PCDHGB1: variants seen among roughly 807,000 people sequenced by gnomAD.
PCDHGB1 encodes the protein protocadherin gamma-B1.
A neutral mutation model predicts 56.6 loss-of-function variants in PCDHGB1; 34 were observed. The ratio of observed to expected loss-of-function variants is 0.60; its 90% CI spans 0.46 to 0.80. The LOEUF is 0.80. Ranked by LOEUF, PCDHGB1 falls within the 30% of genes least tolerant of loss-of-function variation. PCDHGB1 has a pLI of 0.00. For missense variants in PCDHGB1, 1,278 were observed against 1,204.6 expected, an observed-to-expected ratio of 1.06 and a Z score of -0.90; for synonymous variants, 561 against 505.9, an observed-to-expected ratio of 1.11 and a Z score of -1.46.
rs773232677 is a variant in PCDHGB1, at chr5:141,490,388, G to A, written c.2410-4419G>A. 2 of 1,614,206 alleles carry A rather than the reference G, an allele frequency of 1.2e-6. No homozygotes were observed. The highest frequency in any genetic ancestry group is 2.2e-5 in the East Asian group (1 of 44,878). The stretch of plus-strand genomic sequence containing the variant: ...CGAGACCGGGACTCAGGTAGAAATG[G>A]TGAAGTGAGCCTTGATATCTCTCCG... On this transcript the variant is annotated intron_variant, in intron 1 of 3. Transcript: ENST00000523390. The surrounding 1 kb of genome is among the most constrained non-coding windows in gnomAD (Gnocchi z 5.4).
At chr5:141,427,327 C>T (rs2097016376) in intron 1 of PCDHGB1, 1 of 457,028 alleles carries the variant, frequency 2.2e-6, no homozygotes, top group African/African-American at 2.0e-5. Flanking sequence ...GTGGTTTTTA[C>T]TTCAGTGTCC....
chr5:141,501,412 T>C (rs1479005426), intron 2 of PCDHGB1, among the ~76,000 whole-genome samples: 7 of 151,550 alleles, frequency 4.6e-5, no homozygotes, highest in African/African-American at 1.7e-4. Context: ...GCTTGGAAAA[T>C]AGTTGACTAA....
In PCDHGB1 at chr5:141,395,765, C is replaced by T. The variant is rs143173330; in HGVS notation, c.2409+43096C>T. The T allele has an allele frequency of 7.5e-4, 114 of 152,628 alleles. No homozygotes were observed. The Middle Eastern group carries it at 0.03, about 41-fold the overall frequency. 9.5% of individuals were successfully genotyped at this position (152,628 alleles called of 1,614,324 possible). Reference sequence around the variant, plus strand: ...TCTTTTCTGAGCCCTGTTTCTGTACCAGTGCCCTTCAAAACTTTAATACTT... The same window carrying T: ...TCTTTTCTGAGCCCTGTTTCTGTACTAGTGCCCTTCAAAACTTTAATACTT... On this transcript the variant is annotated intron_variant, in intron 1 of 3. Coordinates refer to ENST00000523390, the MANE Select transcript of PCDHGB1 (RefSeq NM_018922.3).
At chr5:141,370,234 A>G (rs1034949073) in intron 1 of PCDHGB1, 24 of 600,046 alleles carry the variant, frequency 4.0e-5, no homozygotes, top group African/African-American at 3.2e-4. Flanking sequence ...CCAGCTCGGA[A>G]GAAAAGTGCA....
chr5:141,361,192 T>A, intron 1 of PCDHGB1: 1 of 1,613,978 alleles, frequency 6.2e-7, no homozygotes, highest in Non-Finnish European at 8.5e-7. Flanking sequence ...GACTTCAGTA[T>A]CTACTCCCCT....
intron 1 of PCDHGB1, chr5:141,395,745 T>C (rs2093305954): frequency 6.5e-6 from 1 of 153,196 alleles, no homozygotes; most frequent in African/African-American, 2.4e-5. Context: ...AAACCTCTTT[T>C]CTGAGCCCTG....
chr5:141,507,196 CCAGAT>C (rs2099859095), intron 3 of PCDHGB1: 1 of 152,374 alleles, frequency 6.6e-6, no homozygotes, highest in Non-Finnish European at 1.5e-5. Context: ...CTTTATTCTT[CCAGAT>C]CAGGGTTGCC....
chr5:141,505,794 G>A (rs1423502957), intron 3 of PCDHGB1, among the ~76,000 whole-genome samples: 1 of 152,142 alleles, frequency 6.6e-6, no homozygotes, highest in East Asian at 1.9e-4. Context: ...CTATCCTTGG[G>A]ACTTGGATCG....
intron 1 of PCDHGB1, chr5:141,357,593 T>G: frequency 6.2e-7 from 1 of 1,614,134 alleles, no homozygotes; most frequent in Non-Finnish European, 8.5e-7. Context: ...CAGGATTTAC[T>G]TGAAACAAAA....
chr5:141,414,725 T>C (rs1303775655), intron 1 of PCDHGB1: 8 of 1,613,970 alleles, frequency 5.0e-6, no homozygotes, highest in African/African-American at 1.3e-5. Flanking sequence ...GACACTGGCG[T>C]CCTGTATGCA....
intron 1 of PCDHGB1, among the ~76,000 whole-genome samples, chr5:141,448,784 C>CAA (rs576464275): frequency 4.8e-5 from 7 of 145,806 alleles, no homozygotes; most frequent in East Asian, 2.0e-4. Context: ...ACTAAAAATA[C>CAA]AAAAAAAAAA....
rs1477077191 is a variant in PCDHGB1, at chr5:141,427,802, C to T, written c.2410-67005C>T. 7.3e-6 allele frequency: 11 copies of T among 1,510,148 alleles called. No individual in the cohort carries two copies. In the South Asian group the frequency reaches 9.0e-5, roughly 12 times the overall value. The allele number at this position is 1,510,148 out of a possible 1,614,324, so 93.5% of individuals were successfully genotyped here. A position where few individuals can be genotyped will look rare whatever the true frequency, so the allele number is the denominator to read the frequency against. On this transcript the variant is annotated intron_variant, in intron 1 of 3. Transcript: ENST00000523390. ...CACTGTCGTCCTACGTGTCCGTGAG[C>T]GCACAGAGCGGGGTGGTGGTCGCGC... is the stretch of plus-strand genomic sequence containing the variant.
chr5:141,380,445 T>C (rs1249653673), intron 1 of PCDHGB1, among the ~76,000 whole-genome samples: 1 of 152,242 alleles, frequency 6.6e-6, no homozygotes, highest in African/African-American at 2.4e-5. Flanking sequence ...AGAATTCTTT[T>C]TAATGCAACC....
chr5:141,397,200 G>A (rs2093487150), intron 1 of PCDHGB1, among the ~76,000 whole-genome samples: 1 of 152,154 alleles, frequency 6.6e-6, no homozygotes, highest in Non-Finnish European at 1.5e-5. Context: ...TAAAAGATAT[G>A]ACATAAGAGA....
In PCDHGB1 at chr5:141,487,519, T is replaced by C. The variant is rs1288070159; in HGVS notation, c.2410-7288T>C. The C allele has an allele frequency of 6.2e-7, 1 of 1,614,046 alleles. No individual in the cohort carries two copies. ...CCTTGGCTTCTGCACCCACTCGGAG[T>C]GATAGCTTCATGATGGTGAAGTCAC... On this transcript the variant is annotated intron_variant, in intron 1 of 3. Transcript: ENST00000523390. The surrounding 1 kb of genome is among the most constrained non-coding windows in gnomAD (Gnocchi z 5.0).
At chr5:141,417,532 T>TA (rs1457524771) in intron 1 of PCDHGB1, 17 of 284,868 alleles carry the variant, frequency 6.0e-5, no homozygotes, top group Non-Finnish European at 8.4e-5. Context: ...ACTCGTAGTT[T>TA]AAAAAAAATT....
rs1282933352 is a variant in PCDHGB1 at position 141,352,670 on chromosome 5, G to A, written c.2409+1G>A. The A allele has an allele frequency of 2.5e-6, 4 of 1,578,960 alleles. No individual in the cohort carries two copies. The African/African-American group carries it at 4.0e-5, about 16-fold the overall frequency. ...TTATGACCCTTCTTTGTCTTCGCAC[G>A]TGAGTTTCTGCAAATCTAGTTAAAT... On this transcript the variant is annotated splice_donor_variant, in intron 1 of 3. Coordinates refer to ENST00000523390, the MANE Select transcript of PCDHGB1 (RefSeq NM_018922.3). LOFTEE classifies it high-confidence loss of function.
intron 1 of PCDHGB1, chr5:141,365,276 C>T: frequency 6.2e-7 from 1 of 1,613,968 alleles, no homozygotes; most frequent in East Asian, 2.2e-5. Flanking sequence ...CAGATTCTAC[C>T]TCATGGAAGT....
chr5:141,440,464 G>A (rs2003094), intron 1 of PCDHGB1: 3,293 of 152,144 alleles, frequency 0.022, 52 homozygotes, highest in South Asian at 0.038. Context: ...ATGAACAAAC[G>A]GTAGTTGAAA....
Sources: allele counts gnomAD v4.1 joint callset (sites outside exome capture counted in the v4.1 genomes callset), GRCh38; gene constraint gnomAD v4.1.1; non-coding constraint Gnocchi (gnomAD v3.1); transcripts MANE v1.5; gene names NCBI Gene and HGNC (gene_info 2026-07-23, HGNC 2026-07-21).